The following SPAG4 variants were observed in gnomAD, a reference collection of about 807,000 sequenced individuals.
SPAG4 encodes the protein sperm associated antigen 4.
A neutral mutation model predicts 53.9 loss-of-function variants in SPAG4; 54 were observed. That is an observed-to-expected ratio of 1.00 (90% confidence interval 0.80 to 1.26). The LOEUF (loss-of-function observed/expected upper bound fraction) is 1.26, where lower values mean the gene tolerates loss of function less well. Among genes scored for constraint, SPAG4 ranks in the 50% most tolerant of loss-of-function variants. SPAG4 has a pLI of 0.00. For missense variants in SPAG4, 548 were observed against 568.6 expected (o/e 0.96, Z 0.37); for synonymous variants, 246 against 237.4 (o/e 1.04, Z -0.33).
At position 35,616,218 on chromosome 20, in the gene SPAG4, G is replaced by A; in HGVS notation, c.215G>A (p.Trp72Ter). ...LSAGVPGGTT[W>*]AGSSQQKPAP... Reference sequence around the variant, plus strand: ...GCGGGAGTGCCCGGAGGAACCACATGGGCAGGAAGCTCTCAGCAGAAGCCA... The same window carrying A: ...GCGGGAGTGCCCGGAGGAACCACATAGGCAGGAAGCTCTCAGCAGAAGCCA... Residue 72 changes from tryptophan (W) to a stop codon, truncating the protein, a stop_gained, in exon 1 of 12, where the codon TGG becomes TAG. Coordinates refer to ENST00000374273, the MANE Select transcript of SPAG4 (RefSeq NM_003116.3). LOFTEE classifies it high-confidence loss of function. 6.3e-7 allele frequency: 1 copy of A among 1,575,542 alleles called. No homozygotes were observed. The highest frequency in any genetic ancestry group is 8.6e-7 in the Non-Finnish European group (1 of 1,163,770).
chr20:35,619,444 A>G, intron 9 of SPAG4, 134 bp downstream of exon 9: 1 of 1,380,404 alleles, frequency 7.2e-7, no homozygotes, highest in Non-Finnish European at 1.0e-6. Flanking sequence ...GAGACCTGGC[A>G]TTGCTGGGGA....
At chr20:35,618,756 T>G in intron 7 of SPAG4, 36 bp downstream of exon 7, 2 of 1,494,030 alleles carry the variant, frequency 1.3e-6, no homozygotes, top group Non-Finnish European at 1.8e-6. Context: ...CCCTGATGGA[T>G]CCCTGCTCCC....
intron 8 of SPAG4, 73 bp from the exon 9 acceptor site, chr20:35,619,122 A>G: frequency 1.7e-4 from 43 of 258,720 alleles, no homozygotes; most frequent in Non-Finnish European, 2.4e-4. Flanking sequence ...ACCCGCCCCC[A>G]GCCCCCGCGC....
rs1755608455 is a variant in SPAG4, at chr20:35,621,087, C to A, written c.*65C>A. The stretch of plus-strand genomic sequence containing the variant: ...GATACTGGATCAGTGCTTTCGGGGG[C>A]TCTGTTGGGAGAGCTCTGGCTGCCG... On this transcript the variant is annotated 3_prime_UTR_variant, in exon 12 of 12. Coordinates refer to ENST00000374273, the MANE Select transcript of SPAG4 (RefSeq NM_003116.3). 3.2e-6 allele frequency: 5 copies of A among 1,564,540 alleles called. No homozygotes were observed. The highest frequency in any genetic ancestry group is 4.5e-5 in the East Asian group (2 of 44,140).
intron 4 of SPAG4, 25 bp downstream of exon 4, chr20:35,617,865 G>A: frequency 6.2e-7 from 1 of 1,610,504 alleles, no homozygotes; most frequent in East Asian, 2.2e-5. Context: ...ATTCCCTGGA[G>A]CCCCTGCCCT....
Position 35,619,560 on chromosome 20 carries a change from T to C in SPAG4, c.910-19T>C. The C allele has an allele frequency of 6.2e-7, 1 of 1,607,014 alleles. No homozygotes were observed. The highest frequency in any genetic ancestry group is 8.5e-7 in the Non-Finnish European group (1 of 1,175,546). ...TCGCTCTGTCCGACGGTTCCGATGG[T>C]CCCTCCGCCCGCCTGCAGCCCCACG... On this transcript the variant is annotated intron_variant, in intron 9 of 11. Coordinates refer to ENST00000374273, the MANE Select transcript of SPAG4 (RefSeq NM_003116.3).
intron 2 of SPAG4, 100 bp from the exon 3 acceptor site, chr20:35,617,420 C>T (rs1250048006): frequency 8.8e-7 from 1 of 1,133,936 alleles, no homozygotes; most frequent in East Asian, 2.6e-5. Context: ...AGGCCCACCC[C>T]CGGCCCCTCC....
At chr20:35,620,015 G>T (rs1429299083) in intron 10 of SPAG4, among the ~76,000 whole-genome samples, 2 of 152,180 alleles carry the variant, frequency 1.3e-5, no homozygotes, top group African/African-American at 4.8e-5. Context: ...CACCCAGGCT[G>T]CTGGAGTGCA....
In SPAG4 at chr20:35,620,973, G is replaced by A; in HGVS notation, c.1265G>A (p.Gly422Asp). The part of the protein sequence containing the change: ...FTCLYRVRAH[G>D]VRTSEGAEGS... ...TGCTTGTATCGAGTCCGTGCCCACG[G>A]TGTGCGAACCTCAGAGGGGGCAGAG... The change falls in exon 12 of 12, where the codon GGT becomes GAT. Residue 422 changes from glycine to aspartate, a missense_variant. Gly to Asp is a moderately conservative substitution (Grantham distance 94). Coordinates refer to ENST00000374273, the MANE Select transcript of SPAG4 (RefSeq NM_003116.3). 3.1e-6 allele frequency: 5 copies of A among 1,614,216 alleles called. No individual in the cohort carries two copies. Among genetic ancestry groups the A allele is most frequent in the Non-Finnish European group, 4.2e-6 (5 of 1,180,044 alleles).
intron 1 of SPAG4, 41 bp from the exon 2 acceptor site, chr20:35,617,095 G>A: frequency 7.5e-7 from 1 of 1,336,508 alleles, no homozygotes; most frequent in Non-Finnish European, 1.1e-6. Context: ...AAATAGGTCT[G>A]TGGTCCGCAA....
At chr20:35,620,642 C>CCCA in intron 10 of SPAG4, 42 bp from the exon 11 acceptor site, 2 of 712,974 alleles carry the variant, frequency 2.8e-6, no homozygotes, top group Non-Finnish European at 4.6e-6. Flanking sequence ...CCCGCCCCAC[C>CCCA]TGTCCCCCTC....
Position 35,618,947 on chromosome 20 carries a change from A to G in SPAG4, c.742A>G (p.Arg248Gly), listed in dbSNP as rs1347371934. 1 of 1,614,178 alleles carries G rather than the reference A, an allele frequency of 6.2e-7. No individual in the cohort carries two copies. The change falls in exon 8 of 12, where the codon AGG (arginine) becomes GGG (glycine). Residue 248 changes from arginine to glycine, a missense_variant. Physicochemically the swap from Arg to Gly is moderately radical, Grantham distance 125 (BLOSUM62 -2). Coordinates refer to ENST00000374273, the MANE Select transcript of SPAG4 (RefSeq NM_003116.3). ...GAGAGTGGCCAAGCTCGTGTTCCAG[A>G]GGCTGAATGAGGATTTTGTGCGGAA... ...SERVAKLVFQRLNEDFVRKPD... is the reference protein window; with the variant it reads ...SERVAKLVFQGLNEDFVRKPD...
At chr20:35,618,350 C>A in intron 5 of SPAG4, 100 bp from the exon 6 acceptor site, 1 of 1,462,916 alleles carries the variant, frequency 6.8e-7, no homozygotes, top group Non-Finnish European at 9.5e-7. Context: ...GGAAAGGGGA[C>A]ACAGTCTTCA....
chr20:35,616,452 C>A, intron 1 of SPAG4, 145 bp downstream of exon 1: 1 of 1,235,622 alleles, frequency 8.1e-7, no homozygotes, highest in Non-Finnish European at 1.1e-6. Context: ...TAAATGAGAT[C>A]CCTTAAGGGG....
At position 35,620,680 on chromosome 20, in the gene SPAG4, C is replaced by T. The variant is rs778362646; in HGVS notation, c.1078-4C>T. 28 of 1,564,922 alleles carry T rather than the reference C, an allele frequency of 1.8e-5. No individual in the cohort carries two copies. In the Admixed American group the frequency reaches 4.8e-4, roughly 27 times the overall value. The stretch of plus-strand genomic sequence containing the variant: ...AGTTCCTCCTTTCATTCTTCACCCA[C>T]CAGGGCCTCCAGGTTTATGATGAAA... On this transcript the variant is annotated splice_polypyrimidine_tract_variant and splice_region_variant and intron_variant, in intron 10 of 11. Transcript: ENST00000374273.
chr20:35,620,904 T>G lies in SPAG4; in HGVS notation c.1196T>G (p.Val399Gly), dbSNP rs1483599405. 1 of 1,614,138 alleles carries G rather than the reference T, an allele frequency of 6.2e-7. No individual in the cohort carries two copies. Among genetic ancestry groups the G allele is most frequent in the Non-Finnish European group, 8.5e-7 (1 of 1,180,022 alleles). ...QNDPPAAFPKVKIQILSNWGH... is the reference protein window; with the variant it reads ...QNDPPAAFPKGKIQILSNWGH... ...GACCCCCCAGCTGCCTTTCCCAAGG[T>G]GAAGATCCAGATTCTAAGCAACTGG... Residue 399 changes from valine (V) to glycine (G), a missense_variant, in exon 12 of 12, where the codon GTG becomes GGG. Coordinates refer to ENST00000374273, the MANE Select transcript of SPAG4 (RefSeq NM_003116.3).
intron 9 of SPAG4, 108 bp downstream of exon 9, chr20:35,619,418 G>A: frequency 2.2e-6 from 3 of 1,388,578 alleles, no homozygotes; most frequent in Non-Finnish European, 2.0e-6. Flanking sequence ...GTGGAGGATG[G>A]CGTTTAACTC....
At chr20:35,618,814 C>T in intron 7 of SPAG4, 94 bp downstream of exon 7, 1 of 1,424,006 alleles carries the variant, frequency 7.0e-7, no homozygotes, top group Non-Finnish European at 9.8e-7. Flanking sequence ...GGATTTCTCC[C>T]GGTGCCCACG....
In SPAG4 at chr20:35,616,115, CG is replaced by C; in HGVS notation, c.114del (p.Ser39GlnfsTer24). 1 of 1,584,080 alleles carries C rather than the reference CG, an allele frequency of 6.3e-7. No individual in the cohort carries two copies. The highest frequency in any genetic ancestry group is 8.6e-7 in the Non-Finnish European group (1 of 1,165,192). ...SITSEDSKGL[R>X]SAEPGPGEPE... is the part of the protein sequence containing the mutation. Reference sequence around the variant, plus strand: ...CACCTCGGAGGACAGCAAAGGGCTCCGGTCAGCGGAGCCCGGGCCTGGGGAG... The same window carrying C: ...CACCTCGGAGGACAGCAAAGGGCTCCGTCAGCGGAGCCCGGGCCTGGGGAG... On this transcript the variant is annotated frameshift_variant, in exon 1 of 12. Coordinates refer to ENST00000374273, the MANE Select transcript of SPAG4 (RefSeq NM_003116.3). LOFTEE classifies it high-confidence loss of function.
Sources: allele counts gnomAD v4.1 joint callset (sites outside exome capture counted in the v4.1 genomes callset), GRCh38; gene constraint gnomAD v4.1.1; transcripts MANE v1.5; gene names NCBI Gene and HGNC (gene_info 2026-07-23, HGNC 2026-07-21).